Variants in PRR16 observed in about 807,000 individuals in gnomAD.
PRR16 encodes the protein proline rich 16, also known as protein Largen.
A neutral mutation model predicts 18.2 loss-of-function variants in PRR16; 6 were observed. The ratio of observed to expected loss-of-function variants is 0.33; its 90% CI spans 0.18 to 0.65. The LOEUF (loss-of-function observed/expected upper bound fraction) is 0.65, where lower values mean the gene tolerates loss of function less well. PRR16 is among the 30% of genes least tolerant of loss of function. PRR16 has a pLI of 0.74. For synonymous variants in PRR16, 151 were observed against 147.8 expected (o/e 1.02, Z -0.16); for missense variants, 412 against 376.6 (o/e 1.09, Z -0.78).
chr5:120,769,854 T>C, the PRR16 span, among the ~76,000 whole-genome samples: 5 of 152,068 alleles, frequency 3.3e-5, no homozygotes, highest in Non-Finnish European at 7.4e-5. Flanking sequence ...AATTTTGTCA[T>C]ATCCTCACTG....
At chr5:120,706,949 A>T in the PRR16 span, among the ~76,000 whole-genome samples, 1 of 152,204 alleles carries the variant, frequency 6.6e-6, no homozygotes. Flanking sequence ...ACACTGGGAT[A>T]TAGGGACATT....
At chr5:120,755,925 G>C in the PRR16 span, among the ~76,000 whole-genome samples, 2 of 152,102 alleles carry the variant, frequency 1.3e-5, no homozygotes, top group African/African-American at 4.8e-5. Flanking sequence ...AGTGGCTCAA[G>C]CTCTGGTTAC....
chr5:120,672,891 G>C (rs896207098), intron 1 of PRR16, among the ~76,000 whole-genome samples: 18 of 152,074 alleles, frequency 1.2e-4, no homozygotes, highest in African/African-American at 4.1e-4. Context: ...TCATTTTGAA[G>C]TGTATACACA....
intron 1 of PRR16, among the ~76,000 whole-genome samples, chr5:120,632,066 T>A (rs1755075731): frequency 6.6e-6 from 1 of 152,160 alleles, no homozygotes; most frequent in Non-Finnish European, 1.5e-5. Flanking sequence ...CAGGACTCTG[T>A]GCAGATACTC....
intron 1 of PRR16, among the ~76,000 whole-genome samples, chr5:120,523,635 C>T (rs550406355): frequency 2.0e-5 from 3 of 152,010 alleles, no homozygotes; most frequent in Non-Finnish European, 4.4e-5. Context: ...TCATACTAAA[C>T]TATAAACATT....
At position 120,611,902 on chromosome 5, in the gene PRR16, C is replaced by T. The variant is rs1754347151; in HGVS notation, c.160-74052C>T. ...GCTTGCACTGTGCACCTGGAAAAGC[C>T]ACAGACACTCCATACCAGCTGGTGA... On this transcript the variant is annotated intron_variant, in intron 1 of 1. Transcript: ENST00000407149. 5.9e-5 allele frequency among the ~76,000 whole-genome samples: 9 copies of T among 152,266 alleles called. No homozygotes were observed. The South Asian group carries it at 1.9e-3, about 32-fold the overall frequency.
intron 1 of PRR16, among the ~76,000 whole-genome samples, chr5:120,618,851 G>A (rs1754597258): frequency 6.6e-6 from 1 of 151,384 alleles, no homozygotes; most frequent in Non-Finnish European, 1.5e-5. Flanking sequence ...TATTCAACTT[G>A]AATTCCTGAG....
At chr5:120,693,641 C>T in the PRR16 span, among the ~76,000 whole-genome samples, 1 of 152,172 alleles carries the variant, frequency 6.6e-6, no homozygotes, top group Non-Finnish European at 1.5e-5. Flanking sequence ...GCTAACTAGA[C>T]TATGTATGGT....
chr5:120,667,355 A>G (rs1175679653), intron 1 of PRR16, among the ~76,000 whole-genome samples: 3 of 150,696 alleles, frequency 2.0e-5, no homozygotes, highest in Non-Finnish European at 3.0e-5. Flanking sequence ...TTTTTTCTTT[A>G]TTAGTCTTGC....
the PRR16 span, among the ~76,000 whole-genome samples, chr5:120,696,058 T>A: frequency 6.6e-6 from 1 of 151,836 alleles, no homozygotes; most frequent in Admixed American, 6.6e-5. Flanking sequence ...CTGACAAAGA[T>A]GGTGAAACTG....
the PRR16 span, among the ~76,000 whole-genome samples, chr5:120,719,937 T>G: frequency 1.3e-5 from 2 of 152,052 alleles, no homozygotes; most frequent in Admixed American, 1.3e-4. Context: ...TTTACCAAAT[T>G]TGTTCTTAAT....
intron 1 of PRR16, 131 bp downstream of exon 1, chr5:120,464,776 A>AGG: frequency 1.0e-6 from 1 of 979,760 alleles, no homozygotes; most frequent in Non-Finnish European, 1.4e-6. Context: ...CTGCAGACGG[A>AGG]CTTTCTTTGC....
chr5:120,770,224 T>C, the PRR16 span, among the ~76,000 whole-genome samples: 2 of 147,014 alleles, frequency 1.4e-5, no homozygotes, highest in Non-Finnish European at 3.0e-5. Flanking sequence ...ATTAAAACTC[T>C]ATAGCACTGA....
chr5:120,638,835 A>C (rs983072714), intron 1 of PRR16, among the ~76,000 whole-genome samples: 9 of 152,106 alleles, frequency 5.9e-5, no homozygotes, highest in Non-Finnish European at 1.3e-4. Flanking sequence ...AAAAGGGAAA[A>C]ATTTTCTCAC....
intron 1 of PRR16, among the ~76,000 whole-genome samples, chr5:120,559,000 T>A (rs771664402): frequency 9.2e-5 from 14 of 152,062 alleles, no homozygotes; most frequent in Non-Finnish European, 1.9e-4. Flanking sequence ...TTATTATTTT[T>A]CCTGTAGAGT....
chr5:120,588,837 C>T (rs6865072), intron 1 of PRR16, among the ~76,000 whole-genome samples: 58,684 of 151,580 alleles, frequency 0.39, 11,836 homozygotes, highest in East Asian at 0.73. Context: ...TTCTCTGTTC[C>T]TAATTTCATT....
chr5:120,513,607 C>G (rs149458631), intron 1 of PRR16, among the ~76,000 whole-genome samples: 1 of 152,126 alleles, frequency 6.6e-6, no homozygotes, highest in African/African-American at 2.4e-5. Flanking sequence ...TTTCCCCCTA[C>G]TGGCCCTCCT....
At chr5:120,554,052 A>G (rs1485861059) in intron 1 of PRR16, among the ~76,000 whole-genome samples, 1 of 151,956 alleles carries the variant, frequency 6.6e-6, no homozygotes, top group Non-Finnish European at 1.5e-5. Flanking sequence ...CAGATAATAC[A>G]CAATCATGAA....
chr5:120,758,497 C>G, the PRR16 span, among the ~76,000 whole-genome samples: 189 of 152,156 alleles, frequency 1.2e-3, 1 homozygote, highest in East Asian at 0.024. Flanking sequence ...GTGTCCCCAC[C>G]CAAATCTCAT....
Sources: gnomAD v4.1 joint callset for allele counts (sites outside exome capture counted in the v4.1 genomes callset) on GRCh38, gnomAD v4.1.1 for gene constraint, MANE v1.5 for transcripts, NCBI Gene and HGNC (gene_info 2026-07-23, HGNC 2026-07-21) for gene names.